The following IFRD1 variants were observed in gnomAD, a reference collection of about 807,000 sequenced individuals.
The protein encoded by IFRD1 is interferon related developmental regulator 1.
IFRD1 carries 35 observed loss-of-function variants against 52.9 expected under a neutral mutation model. The ratio of observed to expected loss-of-function variants is 0.66; its 90% CI spans 0.51 to 0.88. IFRD1 has a LOEUF of 0.88. IFRD1 is among the 40% of genes least tolerant of loss of function. IFRD1 has a pLI of 0.00. For missense variants in IFRD1, 517 were observed against 550.8 expected (o/e 0.94, Z 0.61); for synonymous variants, 184 against 188.4 (o/e 0.98, Z 0.19).
intron 1 of IFRD1, among the ~76,000 whole-genome samples, chr7:112,437,977 A>G (rs1794752075): frequency 6.6e-6 from 1 of 152,226 alleles, no homozygotes; most frequent in Admixed American, 6.5e-5. Flanking sequence ...GCCATTAACC[A>G]TGATGCATAA....
At chr7:112,451,481 C>T (rs1795164138) in intron 1 of IFRD1, among the ~76,000 whole-genome samples, 1 of 152,168 alleles carries the variant, frequency 6.6e-6, no homozygotes, top group South Asian at 2.1e-4. Flanking sequence ...GGAAGAAACG[C>T]GTTCTCCTTT....
intron 8 of IFRD1, chr7:112,467,413 C>T (rs889243305): frequency 6.5e-6 from 1 of 154,072 alleles, no homozygotes; most frequent in Non-Finnish European, 1.4e-5. Flanking sequence ...AGCCCATAAT[C>T]TGCTTAAGGT....
chr7:112,424,041 G>A (rs1454209972), intron 1 of IFRD1, among the ~76,000 whole-genome samples: 1 of 152,180 alleles, frequency 6.6e-6, no homozygotes, highest in Non-Finnish European at 1.5e-5. Context: ...AAGAAATACA[G>A]GTTCTTCCTT....
chr7:112,428,767 A>T (rs1794483989), intron 1 of IFRD1, among the ~76,000 whole-genome samples: 2 of 152,182 alleles, frequency 1.3e-5, no homozygotes, highest in Non-Finnish European at 2.9e-5. Context: ...TTTCTTAAAC[A>T]GAGCCCCTAC....
intron 1 of IFRD1, among the ~76,000 whole-genome samples, chr7:112,432,361 A>G (rs1794566739): frequency 6.6e-6 from 1 of 152,224 alleles, no homozygotes. Context: ...AACACCACAG[A>G]CAAGATCTTG....
chr7:112,438,578 A>G (rs1160676014), intron 1 of IFRD1, among the ~76,000 whole-genome samples: 5 of 152,184 alleles, frequency 3.3e-5, no homozygotes, highest in African/African-American at 1.2e-4. Context: ...GGTTTCCAAA[A>G]ATTTATCATA....
chr7:112,443,906 AAAAAAC>A (rs575336544), intron 1 of IFRD1, among the ~76,000 whole-genome samples: 37 of 151,934 alleles, frequency 2.4e-4, no homozygotes, highest in Admixed American at 4.6e-4. Context: ...TCCCCCACCA[AAAAAAC>A]AAAAACAAAA....
chr7:112,465,803 A>G (rs766952045), intron 8 of IFRD1, among the ~76,000 whole-genome samples: 2 of 152,168 alleles, frequency 1.3e-5, no homozygotes, highest in Non-Finnish European at 2.9e-5. Context: ...ACTGCCTCGT[A>G]TGGTTGTGAT....
At chr7:112,463,727 G>A (rs1795524353) in intron 8 of IFRD1, among the ~76,000 whole-genome samples, 1 of 151,726 alleles carries the variant, frequency 6.6e-6, no homozygotes, top group African/African-American at 2.4e-5. Context: ...CCTTGGAAAT[G>A]CATTTTTAAA....
chr7:112,453,627 T>C (rs953478376), intron 1 of IFRD1, among the ~76,000 whole-genome samples: 1 of 152,204 alleles, frequency 6.6e-6, no homozygotes, highest in Non-Finnish European at 1.5e-5. Flanking sequence ...ACTCATCTGT[T>C]GCCATTACTT....
chr7:112,458,719 G>A, intron 4 of IFRD1, 142 bp from the exon 5 acceptor site: 2 of 743,044 alleles, frequency 2.7e-6, no homozygotes, highest in Non-Finnish European at 2.3e-6. Context: ...GCCTAAGTTT[G>A]TAACTTACAT....
rs1046038460 is a variant in IFRD1 at position 112,466,519 on chromosome 7, C to T, written c.907-1462C>T. 1.1e-4 allele frequency among the ~76,000 whole-genome samples: 16 copies of T among 152,202 alleles called. No individual in the cohort carries two copies. In the East Asian group the frequency reaches 3.1e-3, roughly 29 times the overall value. ...ACTTTGCAGCATCCTTGGCTTCTCC[C>T]CACTAGGTGCCGATAGCACCCCCTT... On this transcript the variant is annotated intron_variant, in intron 8 of 11. Coordinates refer to ENST00000403825, the MANE Select transcript of IFRD1 (RefSeq NM_001550.4).
Position 112,455,771 on chromosome 7 carries a change from C to T in IFRD1, c.103C>T (p.His35Tyr). The change falls in exon 2 of 12, where the codon CAT becomes TAT. Residue 35 changes from histidine (H) to tyrosine (Y), a missense_variant. Coordinates refer to ENST00000403825, the MANE Select transcript of IFRD1 (RefSeq NM_001550.4). The part of the protein sequence containing the change: ...AATAATAGGQ[H>Y]RNVQPFSDED... ...CCTCTTTTACCTAATAGGTGGCCAGCATCGAAATGTTCAGCCTTTTAGTGA... is the reference window on the plus strand; with the variant it reads ...CCTCTTTTACCTAATAGGTGGCCAGTATCGAAATGTTCAGCCTTTTAGTGA... 1 of 1,605,794 alleles carries T rather than the reference C, an allele frequency of 6.2e-7. No individual in the cohort carries two copies. Among genetic ancestry groups the T allele is most frequent in the South Asian group, 1.1e-5 (1 of 90,928 alleles).
intron 1 of IFRD1, among the ~76,000 whole-genome samples, chr7:112,454,391 C>T (rs1795237386): frequency 6.6e-6 from 1 of 152,058 alleles, no homozygotes; most frequent in Admixed American, 6.6e-5. Context: ...CTGGGTTTCG[C>T]CATGTTGGCC....
Position 112,455,774 on chromosome 7 carries a change from C to G in IFRD1, c.106C>G (p.Arg36Gly), listed in dbSNP as rs1245332506. 8 of 1,608,418 alleles carry G rather than the reference C, an allele frequency of 5.0e-6. No individual in the cohort carries two copies. In the East Asian group the frequency reaches 1.8e-4, roughly 36 times the overall value. Residue 36 changes from arginine to glycine, a missense_variant, in exon 2 of 12, where the codon CGA becomes GGA. Arg to Gly is a moderately radical substitution (Grantham distance 125). Coordinates refer to ENST00000403825, the MANE Select transcript of IFRD1 (RefSeq NM_001550.4). The stretch of plus-strand genomic sequence containing the variant: ...CTTTTACCTAATAGGTGGCCAGCAT[C>G]GAAATGTTCAGCCTTTTAGTGATGA... The part of the protein sequence containing the change: ...ATAATAGGQH[R>G]NVQPFSDEDA...
intron 1 of IFRD1, among the ~76,000 whole-genome samples, chr7:112,430,323 G>A (rs527831888): frequency 6.6e-6 from 1 of 152,168 alleles, no homozygotes; most frequent in Non-Finnish European, 1.5e-5. Context: ...TCAGGGATGG[G>A]CATGTGTCAG....
intron 9 of IFRD1, among the ~76,000 whole-genome samples, chr7:112,471,445 A>G (rs986819866): frequency 6.6e-6 from 1 of 152,108 alleles, no homozygotes; most frequent in African/African-American, 2.4e-5. Context: ...TTTGTCATTC[A>G]AGTTCCATCT....
At position 112,436,235 on chromosome 7, in the gene IFRD1, G is replaced by A. The variant is rs560871916; in HGVS notation, c.-182+12803G>A. 2.6e-5 allele frequency among the ~76,000 whole-genome samples: 4 copies of A among 152,250 alleles called. No individual in the cohort carries two copies. The South Asian group carries it at 8.3e-4, about 32-fold the overall frequency. ...TTTCAAATAATGTTGACTGATTAAA[G>A]CAGATACTTTTCCTTAAAATTTTCT... is the stretch of plus-strand genomic sequence containing the variant. On this transcript the variant is annotated intron_variant, in intron 1 of 12. Transcript: ENST00000005558.
At chr7:112,446,697 G>A (rs1795037742), upstream of IFRD1, among the ~76,000 whole-genome samples, 1 of 152,270 alleles carries the variant, frequency 6.6e-6, no homozygotes, top group Admixed American at 6.5e-5. Flanking sequence ...AGCTCGGGTT[G>A]ATCATATCAG....
Sources: allele counts gnomAD v4.1 joint callset (sites outside exome capture counted in the v4.1 genomes callset), GRCh38; gene constraint gnomAD v4.1.1; transcripts MANE v1.5; gene names NCBI Gene and HGNC (gene_info 2026-07-23, HGNC 2026-07-21).